Variants in RFX7 observed in about 807,000 individuals in gnomAD.
The protein encoded by RFX7 is regulatory factor X7.
RFX7 carries 26 observed loss-of-function variants against 111.8 expected under a neutral mutation model. The observed-to-expected ratio is 0.23, with a 90% CI of 0.17 to 0.32. RFX7 has a LOEUF of 0.32. RFX7 is among the 10% of genes least tolerant of loss of function. RFX7 has a pLI of 1.00. For synonymous variants in RFX7, 624 were observed against 624.4 expected (o/e 1.00, Z 0.01); for missense variants, 1,573 against 1,772.9 (o/e 0.89, Z 2.02).
intron 5 of RFX7, among the ~76,000 whole-genome samples, chr15:56,131,346 C>T (rs1392687075): frequency 4.3e-5 from 3 of 70,554 alleles, no homozygotes; most frequent in Non-Finnish European, 8.1e-5. Context: ...TGGCTTACTG[C>T]CGCCTCCACC....
chr15:56,213,645 A>G (rs1304374022), intron 2 of RFX7, among the ~76,000 whole-genome samples: 1 of 152,188 alleles, frequency 6.6e-6, no homozygotes, highest in Non-Finnish European at 1.5e-5. Flanking sequence ...GTATGACGCT[A>G]CAGATTTGCA....
intron 5 of RFX7, among the ~76,000 whole-genome samples, chr15:56,109,734 C>A (rs1235075264): frequency 2.0e-5 from 3 of 151,654 alleles, no homozygotes; most frequent in African/African-American, 7.3e-5. Context: ...TCTGCCCGGC[C>A]GCCCCGTCTG....
intron 5 of RFX7, among the ~76,000 whole-genome samples, chr15:56,121,879 AT>A (rs2042083511): frequency 6.6e-6 from 1 of 152,114 alleles, no homozygotes; most frequent in Admixed American, 6.5e-5. Context: ...AAATTATTCA[AT>A]CTCTGTTAAA....
rs1194656859 is a variant in RFX7, at chr15:56,230,627, C to T, written c.161+12498G>A. Among the ~76,000 whole-genome samples the T allele has an allele frequency of 2.0e-5, 3 of 152,144 alleles. No homozygotes were observed. The East Asian group carries it at 5.8e-4, about 29-fold the overall frequency. ...AAATAAAAAGATGCAAAATTGTTGT[C>T]CCCACCTTCAAATAGCTTGTTTATT... On this transcript the variant is annotated intron_variant, in intron 2 of 9. Coordinates refer to ENST00000559447, the MANE Select transcript of RFX7 (RefSeq NM_022841.7).
At chr15:56,112,378 T>TCAAAAAAAAAAAAAAAAAAAAAAAA (rs2041950204) in intron 5 of RFX7, among the ~76,000 whole-genome samples, 1 of 3,820 alleles carries the variant, frequency 2.6e-4, no homozygotes, top group Non-Finnish European at 5.8e-4. Flanking sequence ...AGAGTACAAA[T>TCAAAAAAAAAAAAAAAAAAAAAAAA]CAAAAAAAAA....
At chr15:56,144,168 A>G (rs1342586894) in intron 4 of RFX7, among the ~76,000 whole-genome samples, 1 of 152,180 alleles carries the variant, frequency 6.6e-6, no homozygotes, top group Non-Finnish European at 1.5e-5. Flanking sequence ...ACAAAACCCA[A>G]ATTGCATGTC....
intron 5 of RFX7, among the ~76,000 whole-genome samples, chr15:56,116,646 C>T (rs571859469): frequency 6.6e-6 from 1 of 151,978 alleles, no homozygotes; most frequent in African/African-American, 2.4e-5. Flanking sequence ...CCCAGTTGGC[C>T]CAAGAACATA....
At chr15:56,234,583 A>T (rs1308716014) in intron 2 of RFX7, among the ~76,000 whole-genome samples, 2 of 152,214 alleles carry the variant, frequency 1.3e-5, no homozygotes, top group Non-Finnish European at 2.9e-5. Flanking sequence ...ACTTACATTA[A>T]CTAAAGCATC....
intron 5 of RFX7, among the ~76,000 whole-genome samples, chr15:56,139,161 C>A (rs9672228): frequency 0.31 from 46,292 of 151,418 alleles, 7,993 homozygotes; most frequent in East Asian, 0.41. Flanking sequence ...GAATGTTGGC[C>A]TGCCTTGCTA....
intron 5 of RFX7, among the ~76,000 whole-genome samples, chr15:56,109,029 CCCTCTCCCTCTCCCACTCCCTCTG>C (rs746504024): frequency 2.4e-3 from 369 of 152,066 alleles, no homozygotes; most frequent in Admixed American, 3.7e-3. Flanking sequence ...TTCTCCCTCT[CCCTCTCCCTCTCCCACTCCCTCTG>C]CCTCTCCCTC....
intron 2 of RFX7, among the ~76,000 whole-genome samples, chr15:56,220,792 A>G (rs750835054): frequency 6.6e-6 from 1 of 152,056 alleles, no homozygotes; most frequent in Non-Finnish European, 1.5e-5. Context: ...GTCATCTTCC[A>G]GGGTTTTTAT....
chr15:56,194,517 T>A (rs2141169266), intron 2 of RFX7, among the ~76,000 whole-genome samples: 1 of 152,286 alleles, frequency 6.6e-6, no homozygotes, highest in Non-Finnish European at 1.5e-5. Context: ...GTGACTTGGC[T>A]CGCAGTCCAT....
At chr15:56,219,861 C>G (rs1047070232) in intron 2 of RFX7, among the ~76,000 whole-genome samples, 3 of 152,010 alleles carry the variant, frequency 2.0e-5, no homozygotes, top group Non-Finnish European at 4.4e-5. Context: ...AGAATGATTT[C>G]TATTTCTTTG....
intron 8 of RFX7, 34 bp downstream of exon 8, chr15:56,101,325 G>A (rs770946848): frequency 5.4e-6 from 8 of 1,494,664 alleles, no homozygotes; most frequent in Non-Finnish European, 7.3e-6. Context: ...TAATACCTCT[G>A]TCAGTTTTTA....
chr15:56,094,688 G>A lies in RFX7; in HGVS notation c.3040C>T (p.Pro1014Ser), dbSNP rs1357232139. The A allele has an allele frequency of 6.2e-7, 1 of 1,613,892 alleles. No individual in the cohort carries two copies. Among genetic ancestry groups the A allele is most frequent in the East Asian group, 2.2e-5 (1 of 44,868 alleles). ...TTCCTGCATTCAACAGGGCTGGGGG[G>A]GACACTACTGCTGCAGTTAGAATGT... ...TPHSNCSSSV[P>S]PSPVECRNPF... Residue 1014 changes from proline (P) to serine (S), a missense_variant, in exon 10 of 10, where the codon CCC (proline) becomes TCC (serine). Transcript: ENST00000559447.
intron 2 of RFX7, among the ~76,000 whole-genome samples, chr15:56,242,712 A>T (rs1321175105): frequency 6.6e-6 from 1 of 152,214 alleles, no homozygotes; most frequent in African/African-American, 2.4e-5. Flanking sequence ...TACGCACAGT[A>T]TCTGTTTGGT....
At chr15:56,236,859 T>C (rs2043629113) in intron 2 of RFX7, among the ~76,000 whole-genome samples, 1 of 152,160 alleles carries the variant, frequency 6.6e-6, no homozygotes, top group Non-Finnish European at 1.5e-5. Context: ...ACAACCAGGA[T>C]TACTGCATAG....
At position 56,243,799 on chromosome 15, in the gene RFX7, GC is replaced by G. The variant is rs1160647939; in HGVS notation, c.-358del. 2.2e-4 allele frequency among the ~76,000 whole-genome samples: 32 copies of G among 147,810 alleles called. No individual in the cohort carries two copies. The highest frequency in any genetic ancestry group is 7.8e-4 in the African/African-American group (32 of 40,944). Reference sequence around the variant, plus strand: ...CGCCACTCCCCACGCCGCCGCCGCCGCCGCCGCTCGCTCCCGGCCCCGCCGC... The same window carrying G: ...CGCCACTCCCCACGCCGCCGCCGCCGCGCCGCTCGCTCCCGGCCCCGCCGC... On this transcript the variant is annotated 5_prime_UTR_variant, in exon 1 of 10. Coordinates refer to ENST00000559447, the MANE Select transcript of RFX7 (RefSeq NM_022841.7).
chr15:56,127,678 G>C (rs1309499326), intron 5 of RFX7, among the ~76,000 whole-genome samples: 2 of 151,248 alleles, frequency 1.3e-5, no homozygotes, highest in African/African-American at 4.9e-5. Flanking sequence ...CTCCCATGTA[G>C]CTGGGACTAC....
Sources: allele counts gnomAD v4.1 joint callset (sites outside exome capture counted in the v4.1 genomes callset), GRCh38; gene constraint gnomAD v4.1.1; transcripts MANE v1.5; gene names NCBI Gene and HGNC (gene_info 2026-07-23, HGNC 2026-07-21).